The following TRIP11 variants were observed in gnomAD, a reference collection of about 807,000 sequenced individuals.
TRIP11 encodes thyroid hormone receptor interactor 11.
Under a neutral mutation model 223.1 loss-of-function variants are expected in TRIP11, and 148 were observed. The observed-to-expected ratio is 0.66, with a 90% CI of 0.58 to 0.76. TRIP11 has a LOEUF of 0.76. Ranked by LOEUF, TRIP11 falls within the 30% of genes least tolerant of loss-of-function variation. The pLI is 0.00. For synonymous variants in TRIP11, 762 were observed against 772.6 expected (o/e 0.99, Z 0.23); for missense variants, 2,043 against 2,222.0 (o/e 0.92, Z 1.62).
intron 19 of TRIP11, 89 bp from the exon 20 acceptor site, chr14:91,972,950 T>G: frequency 1.8e-6 from 2 of 1,114,816 alleles, no homozygotes; most frequent in African/African-American, 3.2e-5. Context: ...TCTAATTAAA[T>G]ATTAAAAATT....
chr14:92,002,588 T>C (rs964326993), intron 11 of TRIP11, among the ~76,000 whole-genome samples: 2 of 151,992 alleles, frequency 1.3e-5, no homozygotes, highest in African/African-American at 4.8e-5. Context: ...TCTTTTTCTT[T>C]TTTATTGAGA....
intron 1 of TRIP11, among the ~76,000 whole-genome samples, chr14:92,035,588 T>TA (rs1373807532): frequency 1.1e-3 from 161 of 148,766 alleles, no homozygotes; most frequent in East Asian, 1.6e-3. Context: ...TTTATTTATT[T>TA]TTTTTTTGAG....
chr14:91,966,573 T>G lies in TRIP11; in HGVS notation c.*3100A>C, dbSNP rs551632378. Reference sequence around the variant, plus strand: ...TGATAGTTTCTGTACTCTTTTCAATTAACCATTAAGAGGTTAAAAGAAACC... The same window carrying G: ...TGATAGTTTCTGTACTCTTTTCAATGAACCATTAAGAGGTTAAAAGAAACC... On this transcript the variant is annotated 3_prime_UTR_variant, in exon 21 of 21. Transcript: ENST00000267622. 4.8e-6 allele frequency: 1 copy of G among 209,202 alleles called. No homozygotes were observed. Among genetic ancestry groups the G allele is most frequent in the South Asian group, 1.9e-4 (1 of 5,340 alleles). The allele number at this position is 209,202 out of a possible 1,614,324, so 13.0% of individuals were successfully genotyped here.
chr14:92,002,121 C>G (rs746970368), intron 11 of TRIP11, among the ~76,000 whole-genome samples: 3 of 152,110 alleles, frequency 2.0e-5, no homozygotes, highest in Non-Finnish European at 4.4e-5. Flanking sequence ...ATAGAAATCA[C>G]AGTAAAAAGG....
At position 91,976,727 on chromosome 14, in the gene TRIP11, G is replaced by A. The variant is rs557195937; in HGVS notation, c.5261-538C>T. ...ATTGCAAAATATAATTCAGGTAATCGGCTCTAATATACAAATCAAGATACT... is the reference window on the plus strand; with the variant it reads ...ATTGCAAAATATAATTCAGGTAATCAGCTCTAATATACAAATCAAGATACT... On this transcript the variant is annotated intron_variant, in intron 16 of 20. Coordinates refer to ENST00000267622, the MANE Select transcript of TRIP11 (RefSeq NM_004239.4). Among the ~76,000 whole-genome samples the A allele has an allele frequency of 5.3e-5, 8 of 152,148 alleles. No homozygotes were observed. In the South Asian group the frequency reaches 1.2e-3, roughly 24 times the overall value.
Position 92,029,297 on chromosome 14 carries a change from T to A in TRIP11, c.202-3877A>T, listed in dbSNP as rs987191597. On this transcript the variant is annotated intron_variant, in intron 2 of 20. Coordinates refer to ENST00000267622, the MANE Select transcript of TRIP11 (RefSeq NM_004239.4). The stretch of plus-strand genomic sequence containing the variant: ...AAAGTATTATTTTTTTTTTTTTTTT[T>A]TTTTTTTTTTTTTTTTGAGATGGAG... 1.6e-3 allele frequency among the ~76,000 whole-genome samples: 215 copies of A among 130,716 alleles called. 1 individual carries two copies. Among genetic ancestry groups the A allele is most frequent in the African/African-American group, 5.0e-3 (169 of 33,604 alleles). The allele number at this position is 130,716 out of a possible 152,430, so 85.8% of individuals were successfully genotyped here. A position where few individuals can be genotyped will look rare whatever the true frequency, so the allele number is the denominator to read the frequency against.
intron 2 of TRIP11, among the ~76,000 whole-genome samples, chr14:92,028,686 C>G (rs1315129254): frequency 6.6e-6 from 1 of 151,984 alleles, no homozygotes; most frequent in Non-Finnish European, 1.5e-5. Context: ...GGGGGCTGGT[C>G]TGAAAGGAGA....
intron 2 of TRIP11, among the ~76,000 whole-genome samples, chr14:92,028,797 C>G (rs1000008066): frequency 1.3e-5 from 2 of 152,208 alleles, no homozygotes; most frequent in African/African-American, 4.8e-5. Context: ...TAAAGTCAGA[C>G]TACATTTCTG....
At chr14:92,008,169 G>A (rs2056928831) in intron 9 of TRIP11, among the ~76,000 whole-genome samples, 2 of 152,134 alleles carry the variant, frequency 1.3e-5, no homozygotes, top group South Asian at 2.1e-4. Context: ...CTGCTCCACC[G>A]TGGCTACCCT....
At chr14:91,974,801 AGG>A in intron 18 of TRIP11, 58 bp from the exon 19 acceptor site, 1 of 1,310,782 alleles carries the variant, frequency 7.6e-7, no homozygotes, top group Non-Finnish European at 1.1e-6. Context: ...AAAAAAAACA[AGG>A]ACCACTTTTA....
intron 3 of TRIP11, among the ~76,000 whole-genome samples, chr14:92,022,949 G>A (rs541334529): frequency 9.2e-5 from 14 of 152,142 alleles, no homozygotes; most frequent in African/African-American, 3.1e-4. Flanking sequence ...AATGAGGGCC[G>A]CACATAGATT....
chr14:91,971,036 C>T (rs1184427871), intron 20 of TRIP11, among the ~76,000 whole-genome samples: 1 of 152,150 alleles, frequency 6.6e-6, no homozygotes, highest in African/African-American at 2.4e-5. Flanking sequence ...GGTTTGAAAA[C>T]AATCTTGATT....
chr14:92,004,693 C>G lies in TRIP11; in HGVS notation c.3283G>C (p.Ala1095Pro). The G allele has an allele frequency of 6.2e-7, 1 of 1,614,102 alleles. No individual in the cohort carries two copies. Among genetic ancestry groups the G allele is most frequent in the Non-Finnish European group, 8.5e-7 (1 of 1,180,016 alleles). ...VYLQQQLQAY[A>P]MEREKVFAVL... ...GCAAATACCTTTTCTCTTTCCATAGCATAAGCCTGCAGTTGCTGTTGAAGG... is the reference window on the plus strand; with the variant it reads ...GCAAATACCTTTTCTCTTTCCATAGGATAAGCCTGCAGTTGCTGTTGAAGG... Residue 1095 changes from alanine (A) to proline (P), a missense_variant, in exon 11 of 21, where the codon GCT (alanine) becomes CCT (proline). By Grantham distance (27) the Ala-to-Pro change is conservative. Transcript: ENST00000267622.
chr14:92,018,548 T>A (rs1455439094), intron 4 of TRIP11, among the ~76,000 whole-genome samples: 1 of 152,210 alleles, frequency 6.6e-6, no homozygotes, highest in Non-Finnish European at 1.5e-5. Flanking sequence ...AACCAAAAGC[T>A]ACTCTAGGAC....
In TRIP11 at chr14:92,004,673, T is replaced by C; in HGVS notation, c.3303A>G (p.Val1101=). ...LQAYAMEREK[V]FAVLNEKTRE... is the part of the protein sequence containing the mutation. ...TAGTCTTCTCATTCAAAACAGCAAA[T>C]ACCTTTTCTCTTTCCATAGCATAAG... Residue 1101 remains valine (V), a synonymous_variant, in exon 11 of 21, where the codon GTA becomes GTG. Coordinates refer to ENST00000267622, the MANE Select transcript of TRIP11 (RefSeq NM_004239.4). 6.2e-7 allele frequency: 1 copy of C among 1,614,144 alleles called. No individual in the cohort carries two copies. The highest frequency in any genetic ancestry group is 1.1e-5 in the South Asian group (1 of 91,078).
intron 14 of TRIP11, 98 bp from the exon 15 acceptor site, chr14:91,994,010 C>A: frequency 1.2e-6 from 1 of 863,914 alleles, no homozygotes; most frequent in East Asian, 2.7e-5. Flanking sequence ...GAAAACAGTT[C>A]AAATGTCTCA....
At position 92,004,146 on chromosome 14, in the gene TRIP11, T is replaced by C; in HGVS notation, c.3830A>G (p.Asn1277Ser). 3.7e-6 allele frequency: 6 copies of C among 1,614,226 alleles called. No homozygotes were observed. Among genetic ancestry groups the C allele is most frequent in the Non-Finnish European group, 5.1e-6 (6 of 1,180,044 alleles). The change falls in exon 11 of 21, where the codon AAT becomes AGT. Residue 1277 changes from asparagine (N) to serine (S), a missense_variant. By Grantham distance (46) the Asn-to-Ser change is conservative. Coordinates refer to ENST00000267622, the MANE Select transcript of TRIP11 (RefSeq NM_004239.4). Reference protein sequence around the residue: ...YTGLIQSYEQNETKLKNFGQE... With the variant: ...YTGLIQSYEQSETKLKNFGQE... ...CCCAAAATTTTTGAGTTTGGTTTCA[T>C]TCTGCTCATAACTTTGGATCAGGCC... is the stretch of plus-strand genomic sequence containing the variant.
At position 92,029,456 on chromosome 14, in the gene TRIP11, C is replaced by T. The variant is rs145373559; in HGVS notation, c.201+3736G>A. 7.4e-3 allele frequency among the ~76,000 whole-genome samples: 1,130 copies of T among 151,830 alleles called. 17 individuals carry two copies. Among genetic ancestry groups the T allele is most frequent in the African/African-American group, 0.026 (1,058 of 41,370 alleles). On this transcript the variant is annotated intron_variant, in intron 2 of 20. Transcript: ENST00000267622. Reference sequence around the variant, plus strand: ...GATTACAGGCACGTGCTACCACACCCGGCTAATTTTTGTATTTTTTGTAGA... The same window carrying T: ...GATTACAGGCACGTGCTACCACACCTGGCTAATTTTTGTATTTTTTGTAGA...
At chr14:92,039,520 C>T (rs2057360127) in intron 1 of TRIP11, 27 bp downstream of exon 1, 1 of 1,611,940 alleles carries the variant, frequency 6.2e-7, no homozygotes. Flanking sequence ...TTAGAAAAGC[C>T]CTCCCTTCCC....
Sources: gnomAD v4.1 joint callset for allele counts (sites outside exome capture counted in the v4.1 genomes callset) on GRCh38, gnomAD v4.1.1 for gene constraint, MANE v1.5 for transcripts, NCBI Gene and HGNC (gene_info 2026-07-23, HGNC 2026-07-21) for gene names.